Variants in TRPV4 observed in about 807,000 individuals in gnomAD.
The protein encoded by TRPV4 is transient receptor potential cation channel subfamily V member 4.
A neutral mutation model predicts 84.1 loss-of-function variants in TRPV4; 58 were observed. That is an observed-to-expected ratio of 0.69 (90% CI 0.56 to 0.86). The LOEUF is 0.86. TRPV4 is among the 40% of genes least tolerant of loss of function. The probability of loss-of-function intolerance (pLI) is 0.00; values close to 1 mark genes in which losing one functional copy is unlikely to be tolerated. For synonymous variants in TRPV4, 489 were observed against 500.9 expected, an observed-to-expected ratio of 0.98 and a Z score of 0.32; for missense variants, 879 against 1,181.1, an observed-to-expected ratio of 0.74 and a Z score of 3.75.
chr12:109,821,132 G>T (rs1159570812), intron 1 of TRPV4, among the ~76,000 whole-genome samples: 1 of 152,258 alleles, frequency 6.6e-6, no homozygotes, highest in East Asian at 1.9e-4. Context: ...GCTTAAATCT[G>T]GGGGCAAGTT....
chr12:109,792,257 A>AC, intron 12 of TRPV4, 106 bp downstream of exon 12: 1 of 871,006 alleles, frequency 1.1e-6, no homozygotes, highest in East Asian at 3.1e-5. Flanking sequence ...AAAAAAAAAA[A>AC]AAAAAAAAGA....
rs975889108 is a variant in TRPV4, at chr12:109,803,537, G to A, written c.560-394C>T. ...GCAATCCTAGCTCATTGCAGCCTCCGATTCCTGGGCTCAAGTGATCCTCCC... is the reference window on the plus strand; with the variant it reads ...GCAATCCTAGCTCATTGCAGCCTCCAATTCCTGGGCTCAAGTGATCCTCCC... On this transcript the variant is annotated intron_variant, in intron 3 of 15. Coordinates refer to ENST00000261740, the MANE Select transcript of TRPV4 (RefSeq NM_021625.5). 4.6e-5 allele frequency among the ~76,000 whole-genome samples: 7 copies of A among 152,130 alleles called. No individual in the cohort carries two copies. In the East Asian group the frequency reaches 9.6e-4, roughly 21 times the overall value.
chr12:109,790,553 C>T (rs999291503), intron 12 of TRPV4, among the ~76,000 whole-genome samples: 2 of 152,174 alleles, frequency 1.3e-5, no homozygotes, highest in Non-Finnish European at 2.9e-5. Context: ...TGTATCCATC[C>T]TCCTTCAATG....
rs1891742510 is a variant in TRPV4 at position 109,814,602 on chromosome 12, T to C, written c.195A>G (p.Pro65=). 6 of 1,614,050 alleles carry C rather than the reference T, an allele frequency of 3.7e-6. No individual in the cohort carries two copies. The highest frequency in any genetic ancestry group is 4.2e-6 in the Non-Finnish European group (5 of 1,180,000). ...SRPAGPGDGR[P]NLRMKFQGAF... ...CGCCCTGGAACTTCATGCGCAGATTTGGTCGCCCATCGCCTGGGCCAGCAG... is the reference window on the plus strand; with the variant it reads ...CGCCCTGGAACTTCATGCGCAGATTCGGTCGCCCATCGCCTGGGCCAGCAG... The change falls in exon 2 of 16, where the codon CCA becomes CCG. Residue 65 remains proline (P), a synonymous_variant. Coordinates refer to ENST00000261740, the MANE Select transcript of TRPV4 (RefSeq NM_021625.5). This position sits in a 1 kb window ranked among gnomAD's most constrained non-coding sequence, Gnocchi z 5.4.
intron 2 of TRPV4, among the ~76,000 whole-genome samples, chr12:109,808,833 T>A (rs1891311593): frequency 6.9e-6 from 1 of 144,902 alleles, no homozygotes; most frequent in Non-Finnish European, 1.5e-5. Context: ...CATCCATCCA[T>A]CACTCATCCA....
Position 109,798,526 on chromosome 12 carries a change from A to T in TRPV4, c.1152+88T>A. ...ATGTTGGGAGGTGCATGCACGTATT[A>T]ATAATGAATACCAGCAGCAGACCCT... is the stretch of plus-strand genomic sequence containing the variant. On this transcript the variant is annotated intron_variant, in intron 6 of 15. Transcript: ENST00000261740. This position sits in a 1 kb window ranked among gnomAD's most constrained non-coding sequence, Gnocchi z 5.0. 1 of 1,520,838 alleles carries T rather than the reference A, an allele frequency of 6.6e-7. No homozygotes were observed. Among genetic ancestry groups the T allele is most frequent in the Non-Finnish European group, 9.0e-7 (1 of 1,115,976 alleles). 94.2% of individuals were successfully genotyped at this position (1,520,838 alleles called of 1,614,324 possible). A position where few individuals can be genotyped will look rare whatever the true frequency, so the allele number is the denominator to read the frequency against.
At chr12:109,832,787 C>T (rs374446523) in intron 1 of TRPV4, 11 of 148,170 alleles carry the variant, frequency 7.4e-5, no homozygotes, top group African/African-American at 2.5e-4. Context: ...TCTCCCCCAC[C>T]CCCACCCCCG....
intron 2 of TRPV4, among the ~76,000 whole-genome samples, chr12:109,813,263 A>T (rs1303373125): frequency 6.6e-6 from 1 of 152,184 alleles, no homozygotes; most frequent in Non-Finnish European, 1.5e-5. Context: ...TACAAAAAAA[A>T]TTAGCTGGGT....
intron 7 of TRPV4, among the ~76,000 whole-genome samples, chr12:109,795,244 A>G (rs1890317715): frequency 6.6e-6 from 1 of 152,242 alleles, no homozygotes; most frequent in African/African-American, 2.4e-5. Context: ...GCAGACATCA[A>G]TAATTGAGCC....
At position 109,786,626 on chromosome 12, in the gene TRPV4, G is replaced by A; in HGVS notation, c.2336+84C>T. On this transcript the variant is annotated intron_variant, in intron 14 of 15. Transcript: ENST00000261740. The surrounding 1 kb of genome is among the most constrained non-coding windows in gnomAD (Gnocchi z 4.5). ...TCAGTGGCTCCAGAAATTGCAATGG[G>A]TAGACGACGCTGGAGCAGCAGGGGC... 6.4e-7 allele frequency: 1 copy of A among 1,566,978 alleles called. No homozygotes were observed. The highest frequency in any genetic ancestry group is 8.7e-7 in the Non-Finnish European group (1 of 1,151,654).
At chr12:109,791,871 C>A (rs1015724030) in intron 12 of TRPV4, among the ~76,000 whole-genome samples, 1 of 151,994 alleles carries the variant, frequency 6.6e-6, no homozygotes, top group African/African-American at 2.4e-5. Context: ...AATAAAGGCA[C>A]TTAGCTTACA....
chr12:109,818,184 AT>A (rs1407971559), intron 1 of TRPV4, among the ~76,000 whole-genome samples: 1 of 152,108 alleles, frequency 6.6e-6, no homozygotes, highest in Non-Finnish European at 1.5e-5. Context: ...AAGGGGAGCC[AT>A]CCTCACCCTC....
intron 3 of TRPV4, among the ~76,000 whole-genome samples, chr12:109,804,502 G>T (rs774981246): frequency 3.3e-5 from 5 of 152,182 alleles, no homozygotes; most frequent in African/African-American, 1.2e-4. Context: ...AGTGTTTGTT[G>T]ATTAGCCCAG....
In TRPV4 at chr12:109,808,485, G is replaced by A. The variant is rs1214680066; in HGVS notation, c.387-17C>T. ...GGCTGCTTCCTGGAGGAGGTAGGGA[G>A]GCAAGTTGATGGGAGGGCTCATCCC... On this transcript the variant is annotated splice_polypyrimidine_tract_variant and intron_variant, in intron 2 of 15. Transcript: ENST00000261740. 7 of 1,607,158 alleles carry A rather than the reference G, an allele frequency of 4.4e-6. No homozygotes were observed. The highest frequency in any genetic ancestry group is 6.0e-6 in the Non-Finnish European group (7 of 1,175,612).
At position 109,786,932 on chromosome 12, in the gene TRPV4, C is replaced by T. The variant is rs535303847; in HGVS notation, c.2209-95G>A. On this transcript the variant is annotated intron_variant, in intron 13 of 15. Transcript: ENST00000261740. This position sits in a 1 kb window ranked among gnomAD's most constrained non-coding sequence, Gnocchi z 4.5. ...AAATGAGACAACGGGCCAGGGTGGG[C>T]CCAGAACTAGGCATTTAGACTCCTA... 2 of 1,567,586 alleles carry T rather than the reference C, an allele frequency of 1.3e-6. No individual in the cohort carries two copies. Among genetic ancestry groups the T allele is most frequent in the East Asian group, 2.3e-5 (1 of 43,798 alleles).
In TRPV4 at chr12:109,802,993, C is replaced by T. The variant is rs1289139464; in HGVS notation, c.710G>A (p.Arg237Gln). The T allele has an allele frequency of 6.2e-7, 1 of 1,613,884 alleles. No individual in the cohort carries two copies. The highest frequency in any genetic ancestry group is 8.5e-7 in the Non-Finnish European group (1 of 1,180,002). ...INSPFRDIYY[R>Q]GQTALHIAIE... The stretch of plus-strand genomic sequence containing the variant: ...CCCTGCCCAGCCCGGGGCCCCACCT[C>T]GATAGTAGATGTCACGGAAGGGCGA... The change falls in exon 4 of 16, where the codon CGA becomes CAA. Residue 237 changes from arginine (R) to glutamine (Q), a missense_variant and splice_region_variant. Arg to Gln is a conservative substitution (Grantham distance 43). Transcript: ENST00000261740.
At chr12:109,784,889 A>G (rs1008462910) in intron 14 of TRPV4, among the ~76,000 whole-genome samples, 13 of 132,646 alleles carry the variant, frequency 9.8e-5, no homozygotes, top group Non-Finnish European at 1.9e-4. Context: ...GTGTGTGTGT[A>G]TACACACACA....
At chr12:109,831,458 G>C (rs531379849) in intron 1 of TRPV4, among the ~76,000 whole-genome samples, 2 of 152,296 alleles carry the variant, frequency 1.3e-5, no homozygotes, top group Non-Finnish European at 2.9e-5. Flanking sequence ...GCTCCTCCCC[G>C]GGGGGCCACA....
chr12:109,809,051 CATCCATCA>C (rs1406323188), intron 2 of TRPV4, among the ~76,000 whole-genome samples: 3 of 149,662 alleles, frequency 2.0e-5, no homozygotes, highest in Non-Finnish European at 4.4e-5. Context: ...TCCATCCATC[CATCCATCA>C]CTCATCCATC....
Sources: allele counts gnomAD v4.1 joint callset (sites outside exome capture counted in the v4.1 genomes callset), GRCh38; gene constraint gnomAD v4.1.1; non-coding constraint Gnocchi (gnomAD v3.1); transcripts MANE v1.5; gene names NCBI Gene and HGNC (gene_info 2026-07-23, HGNC 2026-07-21).